CMC1: variants seen among roughly 807,000 people sequenced by gnomAD.
The protein encoded by CMC1 is COX assembly mitochondrial protein homolog.
Under a neutral mutation model 14.1 loss-of-function variants are expected in CMC1, and 14 were observed. The ratio of observed to expected loss-of-function variants is 0.99; its 90% CI spans 0.66 to 1.55. The LOEUF (loss-of-function observed/expected upper bound fraction) is 1.55, where lower values mean the gene tolerates loss of function less well. CMC1 is among the 40% of genes most tolerant of loss of function. CMC1 has a pLI of 0.00. For missense variants in CMC1, 127 were observed against 123.8 expected, an observed-to-expected ratio of 1.03 and a Z score of -0.12; for synonymous variants, 50 against 38.4, an observed-to-expected ratio of 1.30 and a Z score of -1.12.
chr3:28,268,585 A>C (rs1577012026), intron 2 of CMC1, among the ~76,000 whole-genome samples: 3 of 152,346 alleles, frequency 2.0e-5, no homozygotes, highest in East Asian at 1.9e-4. Flanking sequence ...CAGTTTGGGC[A>C]CAGTGAGCCA....
intron 2 of CMC1, among the ~76,000 whole-genome samples, chr3:28,293,716 G>T (rs1701601246): frequency 6.6e-6 from 1 of 151,940 alleles, no homozygotes; most frequent in Non-Finnish European, 1.5e-5. Context: ...TAAGTAGCTG[G>T]GATTACAGAT....
Position 28,263,297 on chromosome 3 carries a change from A to G in CMC1, c.26A>G (p.His9Arg), listed in dbSNP as rs1383173842. The G allele has an allele frequency of 6.3e-7, 1 of 1,598,054 alleles. No individual in the cohort carries two copies. Among genetic ancestry groups the G allele is most frequent in the Non-Finnish European group, 8.5e-7 (1 of 1,173,748 alleles). The change falls in exon 2 of 4, where the codon CAT (histidine) becomes CGT (arginine). Residue 9 changes from histidine (H) to arginine (R), a missense_variant. By Grantham distance (29) the His-to-Arg change is conservative (BLOSUM62 0). Transcript: ENST00000466830. MALDPADQ[H>R]LRHVEKDVLI... ...AAGATCTTTTTTTTTTCAGACCAGC[A>G]TCTCAGACATGTCGAAAAAGATGTT...
At chr3:28,315,248 C>G (rs962673159) in intron 2 of CMC1, 2 of 152,218 alleles carry the variant, frequency 1.3e-5, no homozygotes, top group African/African-American at 4.8e-5. Context: ...AAAGCAAACA[C>G]AAGACAGAGT....
At chr3:28,254,077 G>C (rs1699271075) in intron 1 of CMC1, among the ~76,000 whole-genome samples, 1 of 152,208 alleles carries the variant, frequency 6.6e-6, no homozygotes, top group African/African-American at 2.4e-5. Context: ...GGTGATGATA[G>C]AATGTTGAGA....
chr3:28,276,983 A>G (rs892973001), intron 2 of CMC1, among the ~76,000 whole-genome samples: 2 of 152,182 alleles, frequency 1.3e-5, no homozygotes, highest in Non-Finnish European at 2.9e-5. Flanking sequence ...CATGACAGCA[A>G]TGTGTGATTT....
In CMC1 at chr3:28,241,629, G is replaced by A; in HGVS notation, c.-165G>A. 2.4e-6 allele frequency: 3 copies of A among 1,231,908 alleles called. No homozygotes were observed. Among genetic ancestry groups the A allele is most frequent in the South Asian group, 8.5e-5 (2 of 23,510 alleles). The allele number at this position is 1,231,908 out of a possible 1,614,324, so 76.3% of individuals were successfully genotyped here. ...GGCGGCGGAAGTAGGAGCCTGGGAA[G>A]GAAGAGGGAACGGGTCCTGGCGGTG... is the stretch of plus-strand genomic sequence containing the variant. On this transcript the variant is annotated 5_prime_UTR_variant, in exon 1 of 4. Coordinates refer to ENST00000466830, the MANE Select transcript of CMC1 (RefSeq NM_182523.2).
chr3:28,249,324 T>C (rs567706426), intron 1 of CMC1, among the ~76,000 whole-genome samples: 2 of 152,346 alleles, frequency 1.3e-5, no homozygotes, highest in South Asian at 2.1e-4. Context: ...CCTGGTGTGG[T>C]GATTGGTACA....
intron 2 of CMC1, among the ~76,000 whole-genome samples, chr3:28,300,207 G>A (rs1701953920): frequency 6.6e-6 from 1 of 152,122 alleles, no homozygotes; most frequent in African/African-American, 2.4e-5. Context: ...TTAAAAGAAA[G>A]CCAGTAGTGT....
intron 2 of CMC1, among the ~76,000 whole-genome samples, chr3:28,278,843 C>T (rs1215246049): frequency 6.6e-6 from 1 of 152,118 alleles, no homozygotes; most frequent in African/African-American, 2.4e-5. Context: ...TTAACTATGT[C>T]AAAGATAGCA....
chr3:28,283,163 T>C (rs1700982951), intron 2 of CMC1, among the ~76,000 whole-genome samples: 1 of 152,182 alleles, frequency 6.6e-6, no homozygotes, highest in African/African-American at 2.4e-5. Flanking sequence ...ATGTAAAATA[T>C]TAGGTAATTG....
Position 28,319,398 on chromosome 3 carries a change from T to C in CMC1, c.201-111T>C. On this transcript the variant is annotated intron_variant, in intron 3 of 3. Coordinates refer to ENST00000466830, the MANE Select transcript of CMC1 (RefSeq NM_182523.2). ...TTAACCATTACTAAAAGTGTACTTC[T>C]AAAGATTGAGCCTGATGAACCAGAT... 8 of 987,472 alleles carry C rather than the reference T, an allele frequency of 8.1e-6. No individual in the cohort carries two copies. In the South Asian group the frequency reaches 1.0e-4, roughly 13 times the overall value. The allele number at this position is 987,472 out of a possible 1,614,324, so 61.2% of individuals were successfully genotyped here.
chr3:28,317,010 A>G (rs1348761513), intron 3 of CMC1: 3 of 152,172 alleles, frequency 2.0e-5, no homozygotes, highest in Middle Eastern at 6.8e-3. Flanking sequence ...CCCATGTTCT[A>G]TTGCCCACAT....
intron 2 of CMC1, among the ~76,000 whole-genome samples, chr3:28,310,391 G>C (rs543969161): frequency 6.6e-6 from 1 of 152,302 alleles, no homozygotes; most frequent in East Asian, 1.9e-4. Context: ...ATGAATGAGT[G>C]ATATTTTATG....
chr3:28,295,722 G>T (rs1301223576), intron 2 of CMC1, among the ~76,000 whole-genome samples: 1 of 152,090 alleles, frequency 6.6e-6, no homozygotes, highest in Non-Finnish European at 1.5e-5. Flanking sequence ...TTTAACAAAA[G>T]AATGAATTAA....
intron 2 of CMC1, among the ~76,000 whole-genome samples, chr3:28,283,646 C>T (rs1485589344): frequency 6.6e-6 from 1 of 151,802 alleles, no homozygotes; most frequent in African/African-American, 2.4e-5. Context: ...CTATTGGGTC[C>T]TTGAGCATTT....
At position 28,312,862 on chromosome 3, in the gene CMC1, A is replaced by T. The variant is rs544544965; in HGVS notation, c.110-3471A>T. Among the ~76,000 whole-genome samples, 655 of 152,042 alleles carry T rather than the reference A, an allele frequency of 4.3e-3. 2 individuals carry two copies. The highest frequency in any genetic ancestry group is 0.012 in the African/African-American group (504 of 41,530). On this transcript the variant is annotated intron_variant, in intron 2 of 3. Transcript: ENST00000466830. ...TAATTATATCCAAAGAATTTTTTTT[A>T]AATTTTTTTTTTGAGACGGAGTCTC...
intron 2 of CMC1, among the ~76,000 whole-genome samples, chr3:28,269,708 G>A (rs1241282314): frequency 2.0e-5 from 3 of 152,152 alleles, no homozygotes; most frequent in Non-Finnish European, 4.4e-5. Flanking sequence ...TGGGACTACA[G>A]GCGCACGCCA....
chr3:28,260,635 G>C (rs1029553625), intron 1 of CMC1, among the ~76,000 whole-genome samples: 2 of 149,344 alleles, frequency 1.3e-5, no homozygotes, highest in Non-Finnish European at 3.0e-5. Context: ...TCTTTTGCTT[G>C]CTTTGTGTTT....
chr3:28,284,364 C>T (rs1701059155), intron 2 of CMC1, among the ~76,000 whole-genome samples: 1 of 152,108 alleles, frequency 6.6e-6, no homozygotes, highest in South Asian at 2.1e-4. Context: ...CTTTACTTTG[C>T]CTGTACAATC....
Sources: gnomAD v4.1 joint callset for allele counts (sites outside exome capture counted in the v4.1 genomes callset) on GRCh38, gnomAD v4.1.1 for gene constraint, MANE v1.5 for transcripts, NCBI Gene and HGNC (gene_info 2026-07-23, HGNC 2026-07-21) for gene names.